WLS: variants seen among roughly 807,000 people sequenced by gnomAD.
WLS encodes the protein protein wntless homolog.
A neutral mutation model predicts 62.8 loss-of-function variants in WLS; 23 were observed. The observed-to-expected ratio is 0.37, with a 90% CI of 0.26 to 0.52. The LOEUF (loss-of-function observed/expected upper bound fraction) is 0.52, where lower values mean the gene tolerates loss of function less well. Among genes scored for constraint, WLS ranks in the 20% least tolerant of loss-of-function variants. WLS has a pLI of 0.92. For synonymous variants in WLS, 246 were observed against 244.1 expected, an observed-to-expected ratio of 1.01 and a Z score of -0.07; for missense variants, 615 against 697.3, an observed-to-expected ratio of 0.88 and a Z score of 1.33.
chr1:68,150,715 G>C (rs1020920180), intron 5 of WLS, among the ~76,000 whole-genome samples: 1 of 152,094 alleles, frequency 6.6e-6, no homozygotes, highest in Non-Finnish European at 1.5e-5. Context: ...TCATTCATCT[G>C]ATCATTAAGA....
intron 11 of WLS, chr1:68,117,817 C>A (rs983215971): frequency 2.6e-5 from 4 of 152,204 alleles, no homozygotes; most frequent in Non-Finnish European, 4.4e-5. Flanking sequence ...CAAGCCTCAC[C>A]ACTGCTCCGG....
chr1:68,118,399 G>T (rs1429490950), intron 11 of WLS, among the ~76,000 whole-genome samples: 2 of 152,200 alleles, frequency 1.3e-5, no homozygotes, highest in East Asian at 3.8e-4. Context: ...TCATTCTGCT[G>T]TTGGCACAGT....
At chr1:68,111,341 C>A (rs1287957034) in intron 11 of WLS, among the ~76,000 whole-genome samples, 1 of 152,194 alleles carries the variant, frequency 6.6e-6, no homozygotes, top group African/African-American at 2.4e-5. Context: ...GTGGGAGAAG[C>A]TGGTGACAAG....
chr1:68,135,120 C>T (rs1458875816), intron 11 of WLS, among the ~76,000 whole-genome samples: 2 of 120,302 alleles, frequency 1.7e-5, no homozygotes, highest in Admixed American at 1.9e-4. Context: ...AGAAAGACAA[C>T]CATGGACTTT....
intron 8 of WLS, among the ~76,000 whole-genome samples, chr1:68,147,012 A>G (rs1031633566): frequency 6.6e-6 from 1 of 152,116 alleles, no homozygotes; most frequent in South Asian, 2.1e-4. Flanking sequence ...CAGCCTCCCG[A>G]GTAGCTGGGA....
downstream of WLS, among the ~76,000 whole-genome samples, chr1:68,125,147 C>T (rs1646410621): frequency 6.6e-6 from 1 of 152,186 alleles, no homozygotes; most frequent in Non-Finnish European, 1.5e-5. Context: ...GTGATGTTCT[C>T]CCCACCTTTG....
intron 2 of WLS, among the ~76,000 whole-genome samples, chr1:68,191,572 C>T (rs139877219): frequency 1.2e-4 from 18 of 152,250 alleles, no homozygotes; most frequent in African/African-American, 3.4e-4. Flanking sequence ...TTCCCTAACC[C>T]GTTACAAGAA....
chr1:68,156,981 G>T (rs1176025787), intron 3 of WLS, among the ~76,000 whole-genome samples: 2 of 152,192 alleles, frequency 1.3e-5, no homozygotes, highest in African/African-American at 4.8e-5. Flanking sequence ...GAACTTGAGG[G>T]CGGAAGGGAA....
intron 2 of WLS, among the ~76,000 whole-genome samples, chr1:68,163,485 C>T (rs1192607787): frequency 1.3e-5 from 2 of 152,068 alleles, no homozygotes; most frequent in East Asian, 1.9e-4. Context: ...CTCGCTCCTC[C>T]GGGCCGCTCC....
chr1:68,221,501 C>T (rs562815432), intron 1 of WLS, among the ~76,000 whole-genome samples: 2 of 152,002 alleles, frequency 1.3e-5, no homozygotes, highest in African/African-American at 4.8e-5. Context: ...TCAACAGAAC[C>T]GAAAAAAGAA....
At chr1:68,170,499 G>C (rs1292325109) in intron 2 of WLS, among the ~76,000 whole-genome samples, 2 of 151,940 alleles carry the variant, frequency 1.3e-5, no homozygotes, top group Non-Finnish European at 2.9e-5. Context: ...AGTACTCAAG[G>C]TTATCTACAC....
intron 1 of WLS, among the ~76,000 whole-genome samples, chr1:68,216,411 C>G (rs1172558221): frequency 6.6e-6 from 1 of 152,122 alleles, no homozygotes; most frequent in Non-Finnish European, 1.5e-5. Context: ...AGGATAAAAG[C>G]ACTATACAAA....
intron 2 of WLS, among the ~76,000 whole-genome samples, chr1:68,166,286 T>C (rs528477092): frequency 3.9e-5 from 6 of 152,330 alleles, no homozygotes; most frequent in African/African-American, 1.4e-4. Flanking sequence ...TTGGTATTGC[T>C]TAAAGAAAAC....
At chr1:68,193,717 C>A in intron 2 of WLS, 1 of 515,762 alleles carries the variant, frequency 1.9e-6, no homozygotes, top group Non-Finnish European at 3.4e-6. Context: ...CATGAGTAAC[C>A]TCACTGGTGC....
intron 2 of WLS, among the ~76,000 whole-genome samples, chr1:68,190,850 G>C (rs1427767897): frequency 6.6e-6 from 1 of 152,170 alleles, no homozygotes; most frequent in Non-Finnish European, 1.5e-5. Flanking sequence ...CTGAGGTCGG[G>C]AGTTCTAGAC....
At position 68,126,333 on chromosome 1, in the gene WLS, C is replaced by G. The variant is rs142863298; in HGVS notation, c.1519G>C (p.Asp507His). The G allele has an allele frequency of 1.2e-5, 19 of 1,614,002 alleles. No individual in the cohort carries two copies. The highest frequency in any genetic ancestry group is 1.6e-5 in the Non-Finnish European group (19 of 1,180,008). The change falls in exon 12 of 12, where the codon GAT (aspartate) becomes CAT (histidine). Residue 507 changes from aspartate to histidine, a missense_variant and splice_region_variant. By Grantham distance (81) the Asp-to-His change is moderately conservative. Transcript: ENST00000262348. ...KNYGEDQSNGDLGVHSGEELQ... is the reference protein window; with the variant it reads ...KNYGEDQSNGHLGVHSGEELQ... ...TCTTCCCCACTATGGACACCCAGAT[C>G]GCCTGAAACAGGGTTTTCGGTGTTA...
intron 1 of WLS, among the ~76,000 whole-genome samples, chr1:68,222,972 T>C (rs1650002078): frequency 6.6e-6 from 1 of 152,074 alleles, no homozygotes; most frequent in East Asian, 1.9e-4. Context: ...ACTTGCCTAA[T>C]ATCCCAGAGA....
intron 2 of WLS, among the ~76,000 whole-genome samples, chr1:68,186,983 G>A (rs561812938): frequency 3.0e-4 from 45 of 151,766 alleles, no homozygotes; most frequent in South Asian, 2.1e-4. Flanking sequence ...AGGCCGAGGC[G>A]GGCGGATCAC....
At chr1:68,183,329 A>T (rs1041725200) in intron 2 of WLS, among the ~76,000 whole-genome samples, 1 of 152,180 alleles carries the variant, frequency 6.6e-6, no homozygotes, top group Non-Finnish European at 1.5e-5. Context: ...TCTTCTTAGC[A>T]GTTGCTTCAA....
Sources: gnomAD v4.1 joint callset for allele counts (sites outside exome capture counted in the v4.1 genomes callset) on GRCh38, gnomAD v4.1.1 for gene constraint, MANE v1.5 for transcripts, NCBI Gene and HGNC (gene_info 2026-07-23, HGNC 2026-07-21) for gene names.